The following PTPRB variants were observed in gnomAD, a reference collection of about 807,000 sequenced individuals.
The protein encoded by PTPRB is protein tyrosine phosphatase receptor type B, also known as receptor-type tyrosine-protein phosphatase beta.
PTPRB carries 97 observed loss-of-function variants against 238.1 expected under a neutral mutation model. The ratio of observed to expected loss-of-function variants is 0.41; its 90% CI spans 0.35 to 0.48. The LOEUF (loss-of-function observed/expected upper bound fraction) is 0.48. PTPRB is among the 20% of genes least tolerant of loss of function. The probability of loss-of-function intolerance (pLI) is 0.30; values close to 1 mark genes in which losing one functional copy is unlikely to be tolerated. For synonymous variants in PTPRB, 970 were observed against 995.4 expected (o/e 0.97, Z 0.48); for missense variants, 2,292 against 2,681.9 (o/e 0.85, Z 3.21).
chr12:70,634,159 A>G (rs913283731), intron 2 of PTPRB, among the ~76,000 whole-genome samples: 2 of 152,218 alleles, frequency 1.3e-5, no homozygotes, highest in Non-Finnish European at 2.9e-5. Context: ...ACACATTCAA[A>G]TGGCATCTAG....
intron 8 of PTPRB, 22 bp from the exon 9 acceptor site, chr12:70,587,289 T>C (rs528167403): frequency 6.2e-7 from 1 of 1,612,334 alleles, no homozygotes. Flanking sequence ...GCAATGGAGA[T>C]GGGTCATTGA....
At chr12:70,633,646 C>T (rs1161227737) in intron 2 of PTPRB, among the ~76,000 whole-genome samples, 1 of 152,078 alleles carries the variant, frequency 6.6e-6, no homozygotes. Context: ...AAATTAATTT[C>T]TTTCCCCAAC....
At chr12:70,603,176 A>G (rs1791602247) in intron 4 of PTPRB, among the ~76,000 whole-genome samples, 1 of 152,178 alleles carries the variant, frequency 6.6e-6, no homozygotes, top group South Asian at 2.1e-4. Flanking sequence ...AGGAAGACCA[A>G]TTTCAGAGAA....
At chr12:70,623,445 G>A (rs555008963) in intron 2 of PTPRB, among the ~76,000 whole-genome samples, 56 of 152,268 alleles carry the variant, frequency 3.7e-4, no homozygotes, top group African/African-American at 1.3e-3. Flanking sequence ...AAATTCTGAC[G>A]CACTAGAGAT....
At chr12:70,541,168 C>T (rs930489770) in intron 22 of PTPRB, 17 of 514,846 alleles carry the variant, frequency 3.3e-5, no homozygotes, top group East Asian at 1.9e-4. Context: ...AGCAGTGAGG[C>T]CAGGTGTCAC....
intron 23 of PTPRB, 115 bp downstream of exon 23, chr12:70,540,743 A>AATT: frequency 2.6e-6 from 2 of 782,102 alleles, no homozygotes; most frequent in South Asian, 3.7e-5. Context: ...AAACAGTGAC[A>AATT]ATTTAACCTG....
At chr12:70,534,345 A>C in intron 31 of PTPRB, 143 bp downstream of exon 31, 1 of 879,150 alleles carries the variant, frequency 1.1e-6, no homozygotes, top group East Asian at 2.7e-5. Context: ...GGAACGTTAT[A>C]AAACCCTCTG....
At chr12:70,528,193 A>ACCT (rs1872678133) in intron 32 of PTPRB, among the ~76,000 whole-genome samples, 1 of 152,212 alleles carries the variant, frequency 6.6e-6, no homozygotes, top group Non-Finnish European at 1.5e-5. Context: ...ATTCTGGCCC[A>ACCT]GGTGGGTAAA....
chr12:70,527,356 A>G (rs999345678), intron 32 of PTPRB, among the ~76,000 whole-genome samples: 1 of 152,226 alleles, frequency 6.6e-6, no homozygotes, highest in African/African-American at 2.4e-5. Flanking sequence ...AAGTAAGGCA[A>G]CATAACATAC....
intron 4 of PTPRB, 56 bp downstream of exon 4, chr12:70,609,013 A>G (rs76441945): frequency 0.017 from 26,179 of 1,559,696 alleles, 380 homozygotes; most frequent in East Asian, 0.061. Context: ...CAGCTTGAAA[A>G]GGCAGGGCCC....
At chr12:70,576,684 A>AGGGGGGGGGGGT (rs1313001377) in intron 10 of PTPRB, 39 bp from the exon 11 acceptor site, 1 of 29,862 alleles carries the variant, frequency 3.3e-5, no homozygotes, top group African/African-American at 1.8e-4. Context: ...GGGGGGGGGA[A>AGGGGGGGGGGGT]GGGGGATTCA....
chr12:70,566,670 A>G lies in PTPRB; in HGVS notation c.3669T>C (p.Asn1223=), dbSNP rs1349225119. Reference sequence around the variant, plus strand: ...CTATTAAGGAATAACTGCTGTATGCATTGTCTGCAATTACTCCTTGGACAG... The same window carrying G: ...CTATTAAGGAATAACTGCTGTATGCGTTGTCTGCAATTACTCCTTGGACAG... ...PASVQGVIAD[N]AYSSYSLIVS... is the part of the protein sequence containing the mutation. The change falls in exon 15 of 34, where the codon AAT becomes AAC. Residue 1223 remains asparagine, a synonymous_variant. Transcript: ENST00000334414. 4 of 1,614,002 alleles carry G rather than the reference A, an allele frequency of 2.5e-6. No homozygotes were observed. The highest frequency in any genetic ancestry group is 3.4e-6 in the Non-Finnish European group (4 of 1,179,884).
At chr12:70,528,516 C>T (rs915138270) in intron 32 of PTPRB, among the ~76,000 whole-genome samples, 5 of 151,796 alleles carry the variant, frequency 3.3e-5, no homozygotes, top group Non-Finnish European at 7.4e-5. Flanking sequence ...GGATGAGGGG[C>T]TAGCTCCAAG....
At chr12:70,538,075 G>A in intron 28 of PTPRB, 80 bp downstream of exon 28, 2 of 1,155,988 alleles carry the variant, frequency 1.7e-6, no homozygotes, top group East Asian at 2.4e-5. Flanking sequence ...AGAATAACAG[G>A]AACATGGAGG....
chr12:70,536,143 C>G lies in PTPRB; in HGVS notation c.5963G>C (p.Arg1988Thr), dbSNP rs899595228. The G allele has an allele frequency of 4.3e-6, 7 of 1,613,374 alleles. No homozygotes were observed. The African/African-American group carries it at 9.3e-5, about 22-fold the overall frequency. The stretch of plus-strand genomic sequence containing the variant: ...CGGTCCCTGAGTGACAATGTATTCT[C>G]TTCTGAAGTTGTTGCCCTGCAATGA... Reference protein sequence around the residue: ...ASYIPGNNFRREYIVTQGPLP... With the variant: ...ASYIPGNNFRTEYIVTQGPLP... Residue 1988 changes from arginine (R) to threonine (T), a missense_variant, in exon 29 of 34, where the codon AGA becomes ACA. This residue lies in a region of PTPRB where 397 missense variants were observed against 502.0 expected (regional missense o/e 0.79). Transcript: ENST00000334414.
intron 15 of PTPRB, 48 bp from the exon 16 acceptor site, chr12:70,563,155 G>A (rs11178291): frequency 0.2 from 301,668 of 1,534,968 alleles, 30,758 homozygotes; most frequent in South Asian, 0.3. Context: ...ATGCAGTGAG[G>A]AGAAGGGAGC....
rs1166802864 is a variant in PTPRB, at chr12:70,555,804, A to G, written c.4993+66T>C. The G allele has an allele frequency of 3.2e-6, 5 of 1,549,302 alleles. No individual in the cohort carries two copies. The African/African-American group carries it at 4.1e-5, about 13-fold the overall frequency. On this transcript the variant is annotated intron_variant, in intron 19 of 33. Transcript: ENST00000334414. ...TGAATAGCAGTGATGGATATGATAG[A>G]GAAAGGTGCACAGCCCCTTCACTCC...
In PTPRB at chr12:70,635,670, C is replaced by A; in HGVS notation, c.451+1G>T. The A allele has an allele frequency of 6.2e-7, 1 of 1,612,438 alleles. No individual in the cohort carries two copies. Among genetic ancestry groups the A allele is most frequent in the Non-Finnish European group, 8.5e-7 (1 of 1,178,960 alleles). ...GATTTGCTCTGAAAGGAATAGCTCA[C>A]CTTTTTGTAAACAGAGGCTTTCATT... On this transcript the variant is annotated splice_donor_variant, in intron 2 of 33. Coordinates refer to ENST00000334414, the MANE Select transcript of PTPRB (RefSeq NM_001109754.4). LOFTEE classifies it high-confidence loss of function.
chr12:70,520,483 A>T lies in PTPRB; in HGVS notation c.*1006T>A. On this transcript the variant is annotated 3_prime_UTR_variant, in exon 34 of 34. Coordinates refer to ENST00000334414, the MANE Select transcript of PTPRB (RefSeq NM_001109754.4). Reference sequence around the variant, plus strand: ...TAGTCATTTCTATGAAAATGTTGGCATTAAGCCTTTTAATGAGGGGCACAA... The same window carrying T: ...TAGTCATTTCTATGAAAATGTTGGCTTTAAGCCTTTTAATGAGGGGCACAA... 1 of 207,764 alleles carries T rather than the reference A, an allele frequency of 4.8e-6. No individual in the cohort carries two copies. The highest frequency in any genetic ancestry group is 9.9e-6 in the Non-Finnish European group (1 of 101,144). The allele number at this position is 207,764 out of a possible 1,614,324, so 12.9% of individuals were successfully genotyped here.
Sources: allele counts gnomAD v4.1 joint callset (sites outside exome capture counted in the v4.1 genomes callset), GRCh38; gene constraint gnomAD v4.1.1; regional missense constraint gnomAD v4.1.1; transcripts MANE v1.5; gene names NCBI Gene and HGNC (gene_info 2026-07-23, HGNC 2026-07-21).